INSYN2A: variants seen among roughly 807,000 people sequenced by gnomAD.
The protein encoded by INSYN2A is family with sequence similarity 196 member A.
A neutral mutation model predicts 39.4 loss-of-function variants in INSYN2A; 17 were observed. The ratio of observed to expected loss-of-function variants is 0.43; its 90% CI spans 0.30 to 0.65. The LOEUF is 0.65. INSYN2A is among the 30% of genes least tolerant of loss of function. The pLI, the probability that INSYN2A is intolerant of heterozygous loss-of-function variation, is 0.14. For synonymous variants in INSYN2A, 255 were observed against 265.7 expected (o/e 0.96, Z 0.39); for missense variants, 595 against 631.2 (o/e 0.94, Z 0.61).
At chr10:127,181,330 G>A (rs905123146) in intron 2 of INSYN2A, among the ~76,000 whole-genome samples, 1 of 152,212 alleles carries the variant, frequency 6.6e-6, no homozygotes, top group African/African-American at 2.4e-5. Flanking sequence ...ATAGTCTGAA[G>A]GCAATTTTGT....
chr10:127,146,117 T>A (rs2051822967), intron 5 of INSYN2A: 3 of 495,056 alleles, frequency 6.1e-6, no homozygotes, highest in South Asian at 4.5e-5. Flanking sequence ...AAACATGAAT[T>A]ATCTTTATCT....
intron 4 of INSYN2A, among the ~76,000 whole-genome samples, chr10:127,162,436 A>G (rs1393598367): frequency 6.6e-6 from 1 of 152,190 alleles, no homozygotes; most frequent in African/African-American, 2.4e-5. Flanking sequence ...TTTGAGGGCT[A>G]CCCTGGCAAC....
At chr10:127,173,645 T>A (rs1486505065) in intron 4 of INSYN2A, among the ~76,000 whole-genome samples, 3 of 152,174 alleles carry the variant, frequency 2.0e-5, no homozygotes. Flanking sequence ...TTTAATTCAC[T>A]ACCAACTATA....
chr10:127,186,504 A>ACCACCC (rs1216809857), intron 2 of INSYN2A, among the ~76,000 whole-genome samples: 1 of 8,994 alleles, frequency 1.1e-4, no homozygotes, highest in African/African-American at 3.5e-4. Context: ...CATGGGAGAA[A>ACCACCC]CCGCCCCCCC....
intron 2 of INSYN2A, among the ~76,000 whole-genome samples, chr10:127,181,809 T>C (rs1018760042): frequency 6.6e-6 from 1 of 152,118 alleles, no homozygotes; most frequent in Non-Finnish European, 1.5e-5. Flanking sequence ...CATTGTGAAA[T>C]AGTTAACTTA....
At position 127,176,379 on chromosome 10, in the gene INSYN2A, G is replaced by C. The variant is rs762119851; in HGVS notation, c.17C>G (p.Thr6Ser). The C allele has an allele frequency of 1.9e-6, 3 of 1,608,638 alleles. No homozygotes were observed. Among genetic ancestry groups the C allele is most frequent in the Non-Finnish European group, 2.5e-6 (3 of 1,178,084 alleles). ...CGACGTTGTGAGTATGCATTTGCCG[G>C]TGTCCTTACTGACCATGGTTCCTGC... The part of the protein sequence containing the change: MVSKD[T>S]GKCILTTSES... The change falls in exon 4 of 6, where the codon ACC (threonine) becomes AGC (serine). Residue 6 changes from threonine to serine, a missense_variant. By Grantham distance (58) the Thr-to-Ser change is moderately conservative. Coordinates refer to ENST00000522781, the MANE Select transcript of INSYN2A (RefSeq NM_001039762.3). This position sits in a 1 kb window ranked among gnomAD's most constrained non-coding sequence, Gnocchi z 4.4.
intron 5 of INSYN2A, among the ~76,000 whole-genome samples, chr10:127,140,975 C>G (rs2051185085): frequency 6.6e-6 from 1 of 152,206 alleles, no homozygotes; most frequent in Admixed American, 6.5e-5. Flanking sequence ...TTCAGCTTCC[C>G]CTTCCTGCTG....
At chr10:127,162,904 T>G (rs528317255) in intron 4 of INSYN2A, among the ~76,000 whole-genome samples, 1 of 152,282 alleles carries the variant, frequency 6.6e-6, no homozygotes, top group East Asian at 1.9e-4. Flanking sequence ...AAGACCTTTG[T>G]TTCCAAAATG....
intron 4 of INSYN2A, among the ~76,000 whole-genome samples, chr10:127,160,087 CT>C (rs2053459803): frequency 6.6e-6 from 1 of 150,754 alleles, no homozygotes; most frequent in Non-Finnish European, 1.5e-5. Flanking sequence ...ACTAACAACT[CT>C]GAGGCAATCA....
intron 2 of INSYN2A, among the ~76,000 whole-genome samples, chr10:127,186,507 G>GC (rs1326283340): frequency 0.074 from 439 of 5,914 alleles, 18 homozygotes; most frequent in African/African-American, 0.13. Context: ...GGGAGAAACC[G>GC]CCCCCCCGCC....
At chr10:127,187,206 T>A (rs772111751) in intron 2 of INSYN2A, among the ~76,000 whole-genome samples, 4 of 152,254 alleles carry the variant, frequency 2.6e-5, no homozygotes, top group Non-Finnish European at 5.9e-5. Context: ...CAAATATTCC[T>A]GCGTTTGCCT....
intron 1 of INSYN2A, among the ~76,000 whole-genome samples, chr10:127,195,546 C>T (rs907207715): frequency 6.6e-6 from 1 of 151,428 alleles, no homozygotes; most frequent in Admixed American, 6.6e-5. Flanking sequence ...GTTAATCAGC[C>T]GTACTTGTAC....
chr10:127,187,072 G>C (rs1320856938), intron 2 of INSYN2A, among the ~76,000 whole-genome samples: 1 of 152,190 alleles, frequency 6.6e-6, no homozygotes, highest in Admixed American at 6.5e-5. Context: ...TTCACCCCGG[G>C]GCAAAACAAG....
At chr10:127,140,700 T>G (rs879584188) in intron 5 of INSYN2A, among the ~76,000 whole-genome samples, 1 of 71,480 alleles carries the variant, frequency 1.4e-5, no homozygotes, top group Non-Finnish European at 3.8e-5. Context: ...GAAACCTGAC[T>G]GGAGGAGGCA....
chr10:127,149,176 C>T (rs1381277862), intron 5 of INSYN2A, among the ~76,000 whole-genome samples: 1 of 152,156 alleles, frequency 6.6e-6, no homozygotes, highest in Non-Finnish European at 1.5e-5. Context: ...AAAAGCAGCT[C>T]CTGGGATTTC....
intron 5 of INSYN2A, among the ~76,000 whole-genome samples, chr10:127,148,453 G>C (rs2052138954): frequency 6.6e-6 from 1 of 152,168 alleles, no homozygotes; most frequent in Admixed American, 6.5e-5. Flanking sequence ...AAAAGCCCTT[G>C]GATTGCAGTT....
intron 4 of INSYN2A, among the ~76,000 whole-genome samples, chr10:127,158,682 T>C (rs1190901143): frequency 6.6e-6 from 1 of 152,202 alleles, no homozygotes; most frequent in African/African-American, 2.4e-5. Context: ...CAGGTATAAA[T>C]TGTGAAAAGT....
At chr10:127,195,231 A>G (rs970978109) in intron 1 of INSYN2A, among the ~76,000 whole-genome samples, 8 of 152,186 alleles carry the variant, frequency 5.3e-5, no homozygotes, top group African/African-American at 1.7e-4. Context: ...TTTGGGCTCC[A>G]GGAGCTGCCC....
At chr10:127,145,364 C>T (rs1265592038) in intron 5 of INSYN2A, among the ~76,000 whole-genome samples, 1 of 152,160 alleles carries the variant, frequency 6.6e-6, no homozygotes, top group Non-Finnish European at 1.5e-5. Context: ...TATGCCATCC[C>T]CCTAGGAAGC....
Sources: allele counts gnomAD v4.1 joint callset (sites outside exome capture counted in the v4.1 genomes callset), GRCh38; gene constraint gnomAD v4.1.1; non-coding constraint Gnocchi (gnomAD v3.1); transcripts MANE v1.5; gene names NCBI Gene and HGNC (gene_info 2026-07-23, HGNC 2026-07-21).